The following DEPDC1B variants were observed in gnomAD, a reference collection of about 807,000 sequenced individuals.
DEPDC1B encodes DEP domain containing 1B, also known as DEP domain-containing protein 1B.
Under a neutral mutation model 66.5 loss-of-function variants are expected in DEPDC1B, and 51 were observed. The observed-to-expected ratio is 0.77, with a 90% CI of 0.61 to 0.97. DEPDC1B has a LOEUF of 0.97. DEPDC1B is among the 50% of genes least tolerant of loss of function. DEPDC1B has a pLI of 0.00. For missense variants in DEPDC1B, 552 were observed against 637.1 expected (o/e 0.87, Z 1.44); for synonymous variants, 226 against 223.6 (o/e 1.01, Z -0.10).
chr5:60,622,510 ACAC>A (rs1316134572), intron 7 of DEPDC1B, among the ~76,000 whole-genome samples: 1 of 152,230 alleles, frequency 6.6e-6, no homozygotes, highest in African/African-American at 2.4e-5. Flanking sequence ...GCTGCTATGA[ACAC>A]CACACAATTT....
intron 8 of DEPDC1B, among the ~76,000 whole-genome samples, chr5:60,603,804 C>T (rs933043405): frequency 3.4e-5 from 5 of 145,206 alleles, no homozygotes; most frequent in African/African-American, 1.1e-4. Context: ...TTTAAACCTC[C>T]TTTTACACGA....
intron 2 of DEPDC1B, among the ~76,000 whole-genome samples, chr5:60,671,428 C>G (rs1398697461): frequency 2.6e-5 from 4 of 152,244 alleles, no homozygotes; most frequent in Non-Finnish European, 4.4e-5. Context: ...CTTCCCCAGG[C>G]TGCTTCCAGC....
chr5:60,631,826 T>A (rs1013930038), intron 7 of DEPDC1B, among the ~76,000 whole-genome samples: 13 of 152,186 alleles, frequency 8.5e-5, no homozygotes, highest in Non-Finnish European at 1.9e-4. Flanking sequence ...ATTCATAGGA[T>A]CACAGAGTTC....
chr5:60,681,232 G>A (rs1754288423), intron 2 of DEPDC1B, among the ~76,000 whole-genome samples: 1 of 151,948 alleles, frequency 6.6e-6, no homozygotes, highest in African/African-American at 2.4e-5. Context: ...ACCACCCAGG[G>A]ACCTGAGGAC....
At chr5:60,644,701 ATATAT>A (rs1753268623) in intron 5 of DEPDC1B, 39 bp downstream of exon 5, 1 of 1,540,542 alleles carries the variant, frequency 6.5e-7, no homozygotes. Flanking sequence ...TGTGCAGCCA[ATATAT>A]TATGTCAATA....
In DEPDC1B at chr5:60,597,801, T is replaced by C. The variant is rs757447437; in HGVS notation, c.1542A>G (p.Leu514=). ...KPKPQLLMWA[L]KKPFQPFQRT... The stretch of plus-strand genomic sequence containing the variant: ...TTTGAAATGGTTGGAAAGGCTTCTT[T>C]AGTGCCCACATTAGCAGCTGTGGTT... Residue 514 remains leucine, a synonymous_variant, in exon 11 of 11, where the codon CTA becomes CTG. Coordinates refer to ENST00000265036, the MANE Select transcript of DEPDC1B (RefSeq NM_018369.3). 6 of 1,613,458 alleles carry C rather than the reference T, an allele frequency of 3.7e-6. No individual in the cohort carries two copies. Among genetic ancestry groups the C allele is most frequent in the Non-Finnish European group, 5.1e-6 (6 of 1,179,642 alleles).
chr5:60,690,692 T>C (rs1754522455), intron 1 of DEPDC1B, among the ~76,000 whole-genome samples: 2 of 152,216 alleles, frequency 1.3e-5, no homozygotes, highest in African/African-American at 4.8e-5. Context: ...CAGATTTTTC[T>C]GACGTCATCT....
In DEPDC1B at chr5:60,645,506, A is replaced by T. The variant is rs1753291107; in HGVS notation, c.564T>A (p.Ser188=). Residue 188 remains serine (S), a synonymous_variant, in exon 4 of 11, where the codon TCT becomes TCA. Coordinates refer to ENST00000265036, the MANE Select transcript of DEPDC1B (RefSeq NM_018369.3). ...AATGTACATACTATGATAATGTCAT[A>T]GACTTCCATATCTCTTCTACATTGG... is the stretch of plus-strand genomic sequence containing the variant. The part of the protein sequence containing the change: ...TEANVEEIWK[S]MTLSYLQKIL... 6.2e-7 allele frequency: 1 copy of T among 1,610,182 alleles called. No homozygotes were observed. Among genetic ancestry groups the T allele is most frequent in the Non-Finnish European group, 8.5e-7 (1 of 1,178,424 alleles).
chr5:60,696,802 T>TGC (rs1235498295), intron 1 of DEPDC1B, among the ~76,000 whole-genome samples: 23 of 152,246 alleles, frequency 1.5e-4, no homozygotes, highest in African/African-American at 5.3e-4. Context: ...CTATAAGACA[T>TGC]ACACCTACTG....
intron 2 of DEPDC1B, among the ~76,000 whole-genome samples, chr5:60,668,629 G>A (rs1753958807): frequency 6.6e-6 from 1 of 152,026 alleles, no homozygotes; most frequent in Admixed American, 6.6e-5. Context: ...CTTCTGTGAA[G>A]AAAGGCAAAA....
At chr5:60,688,184 A>G (rs979743225) in intron 1 of DEPDC1B, among the ~76,000 whole-genome samples, 1 of 152,176 alleles carries the variant, frequency 6.6e-6, no homozygotes, top group African/African-American at 2.4e-5. Flanking sequence ...AAACCTTTGA[A>G]AAGTGATGAG....
chr5:60,601,175 T>C (rs1752193235), intron 9 of DEPDC1B, among the ~76,000 whole-genome samples: 2 of 152,220 alleles, frequency 1.3e-5, no homozygotes, highest in Non-Finnish European at 2.9e-5. Context: ...TACCCAGTCT[T>C]GGGTATGTCT....
chr5:60,599,884 G>T (rs1033066214), intron 9 of DEPDC1B, among the ~76,000 whole-genome samples: 1 of 151,068 alleles, frequency 6.6e-6, no homozygotes. Context: ...TCTGAAGGCT[G>T]TAAGACCCCT....
Position 60,656,712 on chromosome 5 carries a change from G to A in DEPDC1B, c.315-9179C>T, listed in dbSNP as rs370477045. ...AGCAGGAGAGAAAGAGCAAACAAGAGCAGAGAAAATTGCCCTATAAAACCA... is the reference window on the plus strand; with the variant it reads ...AGCAGGAGAGAAAGAGCAAACAAGAACAGAGAAAATTGCCCTATAAAACCA... On this transcript the variant is annotated intron_variant, in intron 2 of 10. Coordinates refer to ENST00000265036, the MANE Select transcript of DEPDC1B (RefSeq NM_018369.3). 3.9e-5 allele frequency among the ~76,000 whole-genome samples: 6 copies of A among 152,322 alleles called. No individual in the cohort carries two copies. In the East Asian group the frequency reaches 7.7e-4, roughly 20 times the overall value.
At chr5:60,686,704 G>C (rs1754419575) in intron 2 of DEPDC1B, among the ~76,000 whole-genome samples, 1 of 152,172 alleles carries the variant, frequency 6.6e-6, no homozygotes, top group Non-Finnish European at 1.5e-5. Flanking sequence ...TCCCAGGTGA[G>C]CAAAAGGCAT....
intron 6 of DEPDC1B, among the ~76,000 whole-genome samples, chr5:60,640,875 A>G (rs1753173693): frequency 6.6e-6 from 1 of 152,236 alleles, no homozygotes; most frequent in South Asian, 2.1e-4. Flanking sequence ...TGGTGGACTC[A>G]AAGTAGATTC....
chr5:60,636,171 T>C lies in DEPDC1B; in HGVS notation c.898+2579A>G, dbSNP rs78411982. Among the ~76,000 whole-genome samples, 846 of 152,318 alleles carry C rather than the reference T, an allele frequency of 5.6e-3. 9 individuals are homozygous for C. Among genetic ancestry groups the C allele is most frequent in the African/African-American group, 0.02 (826 of 41,576 alleles). ...CTCTGATCTCACTACAAGGAATTGC[T>C]ATTTTGGAAATGAAGATCAACTACA... On this transcript the variant is annotated intron_variant, in intron 7 of 10. Transcript: ENST00000265036.
Position 60,645,509 on chromosome 5 carries a change from C to T in DEPDC1B, c.561G>A (p.Lys187=), listed in dbSNP as rs1175714981. 6 of 1,610,582 alleles carry T rather than the reference C, an allele frequency of 3.7e-6. No homozygotes were observed. The highest frequency in any genetic ancestry group is 5.1e-6 in the Non-Finnish European group (6 of 1,178,588). The change falls in exon 4 of 11, where the codon AAG becomes AAA. Residue 187 remains lysine (K), a synonymous_variant. Coordinates refer to ENST00000265036, the MANE Select transcript of DEPDC1B (RefSeq NM_018369.3). Reference sequence around the variant, plus strand: ...GTACATACTATGATAATGTCATAGACTTCCATATCTCTTCTACATTGGCCT... The same window carrying T: ...GTACATACTATGATAATGTCATAGATTTCCATATCTCTTCTACATTGGCCT... ...LTEANVEEIW[K]SMTLSYLQKI... is the part of the protein sequence containing the mutation.
chr5:60,678,458 T>C (rs1175799727), intron 2 of DEPDC1B, among the ~76,000 whole-genome samples: 1 of 152,216 alleles, frequency 6.6e-6, no homozygotes, highest in East Asian at 1.9e-4. Flanking sequence ...ATAGTCAATG[T>C]ACTTATTAAC....
Sources: allele counts gnomAD v4.1 joint callset (sites outside exome capture counted in the v4.1 genomes callset), GRCh38; gene constraint gnomAD v4.1.1; transcripts MANE v1.5; gene names NCBI Gene and HGNC (gene_info 2026-07-23, HGNC 2026-07-21).